The following ADGRB3 variants were observed in gnomAD, a reference collection of about 807,000 sequenced individuals.
The protein encoded by ADGRB3 is brain-specific angiogenesis inhibitor 3.
Under a neutral mutation model 193.4 loss-of-function variants are expected in ADGRB3, and 37 were observed. The observed-to-expected ratio is 0.19, with a 90% CI of 0.15 to 0.25. The LOEUF is 0.25. ADGRB3 is among the 10% of genes least tolerant of loss of function. The probability of loss-of-function intolerance (pLI) is 1.00; values close to 1 mark genes in which losing one functional copy is unlikely to be tolerated. For missense variants in ADGRB3, 1,637 were observed against 1,852.9 expected, an observed-to-expected ratio of 0.88 and a Z score of 2.14; for synonymous variants, 690 against 644.2, an observed-to-expected ratio of 1.07 and a Z score of -1.08.
intron 17 of ADGRB3, among the ~76,000 whole-genome samples, chr6:69,157,349 A>G (rs1401473248): frequency 6.6e-6 from 1 of 152,178 alleles, no homozygotes; most frequent in Non-Finnish European, 1.5e-5. Context: ...TTCTGTACCT[A>G]CTGGAGCACT....
chr6:69,060,220 T>TCTCTCTCTCTCTCTCTCTCTCTCTC (rs1771697794), intron 15 of ADGRB3, among the ~76,000 whole-genome samples: 2 of 129,544 alleles, frequency 1.5e-5, no homozygotes, highest in African/African-American at 6.2e-5. Context: ...CTCTCTCTCT[T>TCTCTCTCTCTCTCTCTCTCTCTCTC]TCTCTCTCTC....
At chr6:68,797,395 G>A (rs984068114) in intron 3 of ADGRB3, among the ~76,000 whole-genome samples, 3 of 151,378 alleles carry the variant, frequency 2.0e-5, no homozygotes, top group Admixed American at 6.6e-5. Flanking sequence ...ACAGGATAAG[G>A]CATTTGAAGC....
At chr6:68,942,555 A>G (rs895867601) in intron 5 of ADGRB3, among the ~76,000 whole-genome samples, 1 of 152,118 alleles carries the variant, frequency 6.6e-6, no homozygotes, top group Non-Finnish European at 1.5e-5. Context: ...TGTCTCAAGT[A>G]TTAAGAATTA....
chr6:69,084,505 A>G (rs896800757), intron 17 of ADGRB3, among the ~76,000 whole-genome samples: 1 of 152,172 alleles, frequency 6.6e-6, no homozygotes, highest in African/African-American at 2.4e-5. Flanking sequence ...CTAGATTACT[A>G]TTTCCTATAG....
At chr6:68,695,213 C>T (rs1765137411) in intron 3 of ADGRB3, among the ~76,000 whole-genome samples, 1 of 151,968 alleles carries the variant, frequency 6.6e-6, no homozygotes, top group African/African-American at 2.4e-5. Context: ...CAAAGGGGAG[C>T]AATATGATAA....
At chr6:69,020,004 A>G (rs1030949424) in intron 13 of ADGRB3, among the ~76,000 whole-genome samples, 1 of 152,022 alleles carries the variant, frequency 6.6e-6, no homozygotes, top group Non-Finnish European at 1.5e-5. Context: ...ACGTGGAAGG[A>G]ATCTAGCAAG....
At chr6:68,966,658 C>T (rs1031755648) in intron 8 of ADGRB3, among the ~76,000 whole-genome samples, 3 of 152,188 alleles carry the variant, frequency 2.0e-5, no homozygotes, top group African/African-American at 7.2e-5. Context: ...ACTCCCAGAG[C>T]AGCCAGGGCT....
intron 6 of ADGRB3, among the ~76,000 whole-genome samples, chr6:68,952,703 CT>C (rs1462321722): frequency 4.6e-5 from 7 of 152,118 alleles, no homozygotes; most frequent in Admixed American, 2.6e-4. Flanking sequence ...CAAAAAGGAT[CT>C]TTTGGTTCTC....
intron 6 of ADGRB3, among the ~76,000 whole-genome samples, chr6:68,952,709 G>T (rs905394421): frequency 6.6e-6 from 1 of 152,054 alleles, no homozygotes; most frequent in Non-Finnish European, 1.5e-5. Context: ...GGATCTTTTG[G>T]TTCTCAGTGT....
chr6:69,383,209 T>A (rs557595199), intron 31 of ADGRB3, among the ~76,000 whole-genome samples: 2 of 152,190 alleles, frequency 1.3e-5, no homozygotes, highest in East Asian at 1.9e-4. Context: ...CTGATCATTT[T>A]ACTGTCAGAG....
chr6:69,149,693 G>T (rs551174474), intron 17 of ADGRB3, among the ~76,000 whole-genome samples: 1 of 152,058 alleles, frequency 6.6e-6, no homozygotes, highest in East Asian at 2.0e-4. Context: ...TTCTTTGGAG[G>T]GGTTTCCAGA....
At chr6:69,327,128 AG>A (rs1276900771) in intron 21 of ADGRB3, among the ~76,000 whole-genome samples, 2 of 148,130 alleles carry the variant, frequency 1.4e-5, no homozygotes, top group African/African-American at 5.2e-5. Context: ...CTTCCTGAAA[AG>A]AAGGCATAAC....
chr6:68,995,947 C>T (rs1769372186), intron 11 of ADGRB3, among the ~76,000 whole-genome samples: 1 of 150,360 alleles, frequency 6.7e-6, no homozygotes, highest in Admixed American at 6.6e-5. Flanking sequence ...AAAGAATTTG[C>T]AAATATTTAC....
At chr6:69,347,278 G>A (rs1042887885) in intron 26 of ADGRB3, among the ~76,000 whole-genome samples, 1 of 152,106 alleles carries the variant, frequency 6.6e-6, no homozygotes, top group Non-Finnish European at 1.5e-5. Flanking sequence ...GATGGGTGCA[G>A]CAAACCACCA....
At chr6:68,879,096 A>AATGATTT (rs767886183) in intron 3 of ADGRB3, among the ~76,000 whole-genome samples, 5 of 152,116 alleles carry the variant, frequency 3.3e-5, no homozygotes, top group Non-Finnish European at 7.4e-5. Flanking sequence ...AAGCAAGATA[A>AATGATTT]ATGATTTATT....
intron 20 of ADGRB3, among the ~76,000 whole-genome samples, chr6:69,261,895 T>G (rs1766937485): frequency 6.6e-6 from 1 of 152,010 alleles, no homozygotes; most frequent in African/African-American, 2.4e-5. Flanking sequence ...TAAAAATAGG[T>G]TTATATAATA....
At chr6:69,173,598 G>A (rs1024761466) in intron 17 of ADGRB3, among the ~76,000 whole-genome samples, 2 of 152,090 alleles carry the variant, frequency 1.3e-5, no homozygotes, top group Non-Finnish European at 2.9e-5. Flanking sequence ...ACAATTAAAG[G>A]CATTGGGTAA....
intron 3 of ADGRB3, among the ~76,000 whole-genome samples, chr6:68,842,883 A>G (rs1368332033): frequency 6.6e-6 from 1 of 152,086 alleles, no homozygotes; most frequent in East Asian, 1.9e-4. Context: ...AAATCAATCA[A>G]TATGAAACAT....
At chr6:69,006,433 C>A (rs912064513) in intron 11 of ADGRB3, among the ~76,000 whole-genome samples, 1 of 152,098 alleles carries the variant, frequency 6.6e-6, no homozygotes, top group East Asian at 1.9e-4. Flanking sequence ...ATTTTGAACA[C>A]TCTTTGGATT....
Sources: gnomAD v4.1 joint callset for allele counts (sites outside exome capture counted in the v4.1 genomes callset) on GRCh38, gnomAD v4.1.1 for gene constraint, MANE v1.5 for transcripts, NCBI Gene and HGNC (gene_info 2026-07-23, HGNC 2026-07-21) for gene names.